Variants in KIRREL3 observed in about 807,000 individuals in gnomAD.
KIRREL3 encodes the protein kirre like nephrin family adhesion molecule 3, also known as kin of IRRE-like protein 3.
Under a neutral mutation model 89.7 loss-of-function variants are expected in KIRREL3, and 36 were observed. That is an observed-to-expected ratio of 0.40 (90% CI 0.31 to 0.53). The LOEUF is 0.53. KIRREL3 is among the 20% of genes least tolerant of loss of function. KIRREL3 has a pLI of 0.49. For synonymous variants in KIRREL3, 445 were observed against 441.4 expected (o/e 1.01, Z -0.10); for missense variants, 864 against 1,056.6 (o/e 0.82, Z 2.53).
At chr11:126,960,639 C>T (rs764170319) in intron 1 of KIRREL3, among the ~76,000 whole-genome samples, 14 of 152,340 alleles carry the variant, frequency 9.2e-5, no homozygotes, top group Middle Eastern at 3.4e-3. Flanking sequence ...AAATGCCAGA[C>T]AGAAGGCTGA....
At chr11:126,517,422 G>T (rs560416344) in intron 4 of KIRREL3, among the ~76,000 whole-genome samples, 2 of 152,218 alleles carry the variant, frequency 1.3e-5, no homozygotes, top group African/African-American at 4.8e-5. Context: ...CATGTGCATG[G>T]GGGTCCTCTG....
In KIRREL3 at chr11:126,895,722, C is replaced by G. The variant is rs542542260; in HGVS notation, c.55+104733G>C. On this transcript the variant is annotated intron_variant, in intron 1 of 16. Transcript: ENST00000525144. Reference sequence around the variant, plus strand: ...GCTCCCGTGCATGGAGTGTTGCATTCCCCAGCCTCTGGAGCTGGTGGGGGT... The same window carrying G: ...GCTCCCGTGCATGGAGTGTTGCATTGCCCAGCCTCTGGAGCTGGTGGGGGT... Among the ~76,000 whole-genome samples, 14 of 152,236 alleles carry G rather than the reference C, an allele frequency of 9.2e-5. No homozygotes were observed. In the South Asian group the frequency reaches 1.2e-3, roughly 14 times the overall value.
chr11:126,658,466 T>C (rs1040720859), intron 1 of KIRREL3, among the ~76,000 whole-genome samples: 4 of 152,232 alleles, frequency 2.6e-5, no homozygotes, highest in Admixed American at 2.6e-4. Context: ...CATTGGTGTC[T>C]CAGTAATGAA....
In KIRREL3 at chr11:126,528,190, C is replaced by T. The variant is rs1394105010; in HGVS notation, c.134-1503G>A. On this transcript the variant is annotated intron_variant, in intron 2 of 16. Coordinates refer to ENST00000525144, the MANE Select transcript of KIRREL3 (RefSeq NM_032531.4). The surrounding 1 kb of genome is among the most constrained non-coding windows in gnomAD (Gnocchi z 4.6). ...AGACCCAGACCTAACCGAGGCAAAA[C>T]TGGACCTGGCGCTCCAGCTGCTGAT... 6.6e-6 allele frequency among the ~76,000 whole-genome samples: 1 copy of T among 152,222 alleles called. No individual in the cohort carries two copies. The highest frequency in any genetic ancestry group is 1.5e-5 in the Non-Finnish European group (1 of 68,034).
intron 1 of KIRREL3, among the ~76,000 whole-genome samples, chr11:126,933,387 C>T (rs958436296): frequency 6.6e-6 from 1 of 151,734 alleles, no homozygotes; most frequent in Admixed American, 6.6e-5. Flanking sequence ...ATTTGTAAGC[C>T]CTTCCTCCTT....
At chr11:126,862,420 G>A (rs899895853) in intron 1 of KIRREL3, among the ~76,000 whole-genome samples, 2 of 152,244 alleles carry the variant, frequency 1.3e-5, no homozygotes, top group Admixed American at 1.3e-4. Context: ...GCCCTCTGCT[G>A]TGGGTATTGA....
chr11:126,446,501 C>A (rs1175431683), intron 9 of KIRREL3, among the ~76,000 whole-genome samples: 2 of 152,170 alleles, frequency 1.3e-5, no homozygotes, highest in Non-Finnish European at 2.9e-5. Context: ...TCCCTCCCAG[C>A]ACATTGGTGA....
chr11:126,522,997 A>G lies in KIRREL3; in HGVS notation c.284-1533T>C, dbSNP rs1958643679. Among the ~76,000 whole-genome samples the G allele has an allele frequency of 6.6e-6, 1 of 152,234 alleles. No homozygotes were observed. The highest frequency in any genetic ancestry group is 2.1e-4 in the South Asian group (1 of 4,832). On this transcript the variant is annotated intron_variant, in intron 3 of 16. Transcript: ENST00000525144. This position sits in a 1 kb window ranked among gnomAD's most constrained non-coding sequence, Gnocchi z 6.0. ...CAAGTGAGAGAGACAGAACAAAGAC[A>G]GGCAGGGAGACCTGCAAGAGCTCGC...
intron 1 of KIRREL3, among the ~76,000 whole-genome samples, chr11:126,864,928 G>A (rs1944869296): frequency 6.6e-6 from 1 of 152,100 alleles, no homozygotes; most frequent in Non-Finnish European, 1.5e-5. Context: ...ACTGGCCTTA[G>A]GTGTGAACAG....
intron 1 of KIRREL3, among the ~76,000 whole-genome samples, chr11:126,958,975 C>G (rs1214885055): frequency 2.6e-5 from 4 of 152,060 alleles, no homozygotes; most frequent in African/African-American, 9.7e-5. Context: ...AAGAAGACTG[C>G]TTTCCTCAAT....
At position 126,686,592 on chromosome 11, in the gene KIRREL3, A is replaced by G. The variant is rs1183426715; in HGVS notation, c.56-123680T>C. On this transcript the variant is annotated intron_variant, in intron 1 of 16. Coordinates refer to ENST00000525144, the MANE Select transcript of KIRREL3 (RefSeq NM_032531.4). This position sits in a 1 kb window ranked among gnomAD's most constrained non-coding sequence, Gnocchi z 4.7. ...TTTTATTTTTTTATTATTTTATTTTAATTTTGAGACAGAGTCTCACTGTGT... is the reference window on the plus strand; with the variant it reads ...TTTTATTTTTTTATTATTTTATTTTGATTTTGAGACAGAGTCTCACTGTGT... 6.6e-6 allele frequency among the ~76,000 whole-genome samples: 1 copy of G among 151,898 alleles called. No homozygotes were observed. The highest frequency in any genetic ancestry group is 1.9e-4 in the East Asian group (1 of 5,178).
In KIRREL3 at chr11:126,797,291, T is replaced by A. The variant is rs1017975393; in HGVS notation, c.55+203164A>T. Among the ~76,000 whole-genome samples the A allele has an allele frequency of 6.6e-6, 1 of 152,228 alleles. No homozygotes were observed. The highest frequency in any genetic ancestry group is 1.5e-5 in the Non-Finnish European group (1 of 68,040). ...TCAATTTCTCATCTATGAAATAGAC[T>A]AATAACAACATTGTTTCAAAGAGCT... On this transcript the variant is annotated intron_variant, in intron 1 of 16. Transcript: ENST00000525144. This position sits in a 1 kb window ranked among gnomAD's most constrained non-coding sequence, Gnocchi z 4.9.
At position 126,592,628 on chromosome 11, in the gene KIRREL3, AC is replaced by A. The variant is rs745348826; in HGVS notation, c.56-29717del. On this transcript the variant is annotated intron_variant, in intron 1 of 16. Transcript: ENST00000525144. ...CCATGGCAAAAAACCCACACAGTACACTCTGCATGCCTGCTGTGCGGGAAAC... is the reference window on the plus strand; with the variant it reads ...CCATGGCAAAAAACCCACACAGTACATCTGCATGCCTGCTGTGCGGGAAAC... Among the ~76,000 whole-genome samples, 225 of 152,192 alleles carry A rather than the reference AC, an allele frequency of 1.5e-3. 2 individuals are homozygous for A. The highest frequency in any genetic ancestry group is 1.9e-3 in the Non-Finnish European group (131 of 67,992).
In KIRREL3 at chr11:126,708,122, C is replaced by T. The variant is rs930744955; in HGVS notation, c.56-145210G>A. Among the ~76,000 whole-genome samples, 27 of 152,190 alleles carry T rather than the reference C, an allele frequency of 1.8e-4. No individual in the cohort carries two copies. Among genetic ancestry groups the T allele is most frequent in the Admixed American group, 1.4e-3 (21 of 15,294 alleles). On this transcript the variant is annotated intron_variant, in intron 1 of 16. Transcript: ENST00000525144. The surrounding 1 kb of genome is among the most constrained non-coding windows in gnomAD (Gnocchi z 5.7). Reference sequence around the variant, plus strand: ...ATCAGAAAGAAACACACCCAATCTTCCTCTTCCACTGACTTTTCCCGTGTG... The same window carrying T: ...ATCAGAAAGAAACACACCCAATCTTTCTCTTCCACTGACTTTTCCCGTGTG...
At chr11:126,658,557 C>G (rs1412135369) in intron 1 of KIRREL3, among the ~76,000 whole-genome samples, 1 of 152,202 alleles carries the variant, frequency 6.6e-6, no homozygotes, top group Non-Finnish European at 1.5e-5. Context: ...TCTGATTAAA[C>G]AACATAAAGT....
intron 5 of KIRREL3, among the ~76,000 whole-genome samples, chr11:126,465,977 C>T (rs549070744): frequency 1.3e-5 from 2 of 152,278 alleles, no homozygotes; most frequent in Non-Finnish European, 2.9e-5. Flanking sequence ...TTCTTCTCTT[C>T]TTTACATTTC....
rs909244287 is a variant in KIRREL3 at position 126,691,340 on chromosome 11, C to T, written c.56-128428G>A. ...ACCAGCAGACATGTATGAGAACGGT[C>T]ATTTCAGCACTATTTATATAAAGCA... On this transcript the variant is annotated intron_variant, in intron 1 of 16. Transcript: ENST00000525144. 2.6e-5 allele frequency among the ~76,000 whole-genome samples: 4 copies of T among 152,266 alleles called. No homozygotes were observed. The South Asian group carries it at 6.2e-4, about 24-fold the overall frequency.
At position 126,739,990 on chromosome 11, in the gene KIRREL3, G is replaced by C. The variant is rs1223997246; in HGVS notation, c.56-177078C>G. 1.3e-5 allele frequency among the ~76,000 whole-genome samples: 2 copies of C among 152,146 alleles called. No individual in the cohort carries two copies. Among genetic ancestry groups the C allele is most frequent in the Admixed American group, 1.3e-4 (2 of 15,272 alleles). On this transcript the variant is annotated intron_variant, in intron 1 of 16. Coordinates refer to ENST00000525144, the MANE Select transcript of KIRREL3 (RefSeq NM_032531.4). The surrounding 1 kb of genome is among the most constrained non-coding windows in gnomAD (Gnocchi z 5.5). ...ATCCATACAGCTGCACTCTGAATTT[G>C]TCATGACTCACTGGAGGGTAGGGTG...
intron 1 of KIRREL3, among the ~76,000 whole-genome samples, chr11:126,911,421 G>A (rs1191773138): frequency 6.6e-6 from 1 of 152,174 alleles, no homozygotes; most frequent in Admixed American, 6.5e-5. Context: ...CCAATCCAAT[G>A]TGTACTCTGC....
Sources: allele counts gnomAD v4.1 joint callset (sites outside exome capture counted in the v4.1 genomes callset), GRCh38; gene constraint gnomAD v4.1.1; non-coding constraint Gnocchi (gnomAD v3.1); transcripts MANE v1.5; gene names NCBI Gene and HGNC (gene_info 2026-07-23, HGNC 2026-07-21).